Variants in PARD3B observed in about 807,000 individuals in gnomAD.
The protein encoded by PARD3B is partitioning defective 3 homolog B.
In PARD3B, 103 loss-of-function variants were observed where a neutral mutation model predicts 130.2. That is an observed-to-expected ratio of 0.79 (90% CI 0.67 to 0.93). PARD3B has a LOEUF of 0.93. Ranked by LOEUF, PARD3B falls within the 40% of genes least tolerant of loss-of-function variation. PARD3B has a pLI of 0.00. For missense variants in PARD3B, 1,609 were observed against 1,499.2 expected (o/e 1.07, Z -1.21); for synonymous variants, 583 against 553.2 (o/e 1.05, Z -0.76).
intron 1 of PARD3B, among the ~76,000 whole-genome samples, chr2:204,581,539 GA>G (rs1444834213): frequency 6.6e-6 from 1 of 152,102 alleles, no homozygotes; most frequent in African/African-American, 2.4e-5. Flanking sequence ...GAGAAGAGCA[GA>G]AAACAGAAAC....
At chr2:205,151,214 G>A (rs1021361149) in intron 10 of PARD3B, among the ~76,000 whole-genome samples, 3 of 152,156 alleles carry the variant, frequency 2.0e-5, no homozygotes, top group Non-Finnish European at 4.4e-5. Context: ...AGTGTGATAT[G>A]GTGCTGAGAA....
In PARD3B at chr2:205,142,994, A is replaced by G. The variant is rs774487324; in HGVS notation, c.1435-15728A>G. ...ACATAAGTGAAATGGGAGCTGCGAG[A>G]AGGGCATATTGTTCCTGTGCTGATA... is the stretch of plus-strand genomic sequence containing the variant. On this transcript the variant is annotated intron_variant, in intron 10 of 22. Transcript: ENST00000406610. This position sits in a 1 kb window ranked among gnomAD's most constrained non-coding sequence, Gnocchi z 4.3. 6.6e-6 allele frequency among the ~76,000 whole-genome samples: 1 copy of G among 152,196 alleles called. No individual in the cohort carries two copies. The highest frequency in any genetic ancestry group is 1.5e-5 in the Non-Finnish European group (1 of 68,034).
intron 4 of PARD3B, among the ~76,000 whole-genome samples, chr2:205,058,978 TG>T (rs1699904938): frequency 6.6e-6 from 1 of 151,892 alleles, no homozygotes; most frequent in Admixed American, 6.6e-5. Context: ...CTGTGCTTTT[TG>T]TATCACATCC....
chr2:205,383,575 G>C (rs1006010721), intron 18 of PARD3B, among the ~76,000 whole-genome samples: 1 of 152,032 alleles, frequency 6.6e-6, no homozygotes, highest in African/African-American at 2.4e-5. Flanking sequence ...TTGTATATCT[G>C]TTTGGGTTCC....
intron 1 of PARD3B, among the ~76,000 whole-genome samples, chr2:204,627,706 GT>G (rs922397167): frequency 4.0e-5 from 6 of 151,876 alleles, no homozygotes; most frequent in Non-Finnish European, 8.8e-5. Context: ...TTATCTCCTG[GT>G]ATGAATATAC....
chr2:205,120,539 AG>A (rs2125618032), intron 7 of PARD3B, among the ~76,000 whole-genome samples: 1 of 152,344 alleles, frequency 6.6e-6, no homozygotes, highest in East Asian at 1.9e-4. Context: ...AAATAAGAAT[AG>A]CTGAAACAAG....
chr2:205,204,792 T>C (rs747041186), intron 15 of PARD3B, among the ~76,000 whole-genome samples: 1 of 152,200 alleles, frequency 6.6e-6, no homozygotes, highest in Non-Finnish European at 1.5e-5. Flanking sequence ...GTCTCTATTC[T>C]GTTCCATTGG....
chr2:205,043,644 G>A (rs1698541055), intron 3 of PARD3B, among the ~76,000 whole-genome samples: 1 of 152,026 alleles, frequency 6.6e-6, no homozygotes, highest in South Asian at 2.1e-4. Context: ...CTATGAAACT[G>A]GATAGAGTTG....
chr2:205,208,001 A>G (rs929840314), intron 15 of PARD3B, among the ~76,000 whole-genome samples: 1 of 68,214 alleles, frequency 1.5e-5, no homozygotes, highest in Non-Finnish European at 2.6e-5. Context: ...CCAGCGGCAC[A>G]TCAAAAAGCT....
intron 1 of PARD3B, among the ~76,000 whole-genome samples, chr2:204,682,583 T>C (rs2036886534): frequency 6.6e-6 from 1 of 152,228 alleles, no homozygotes; most frequent in African/African-American, 2.4e-5. Context: ...ATTCTTCTAG[T>C]AAAAACATTA....
intron 22 of PARD3B, among the ~76,000 whole-genome samples, chr2:205,607,461 G>A (rs540052590): frequency 2.6e-5 from 4 of 152,258 alleles, no homozygotes; most frequent in South Asian, 4.1e-4. Flanking sequence ...GCCACTACCA[G>A]TGTGACTTTG....
intron 11 of PARD3B, among the ~76,000 whole-genome samples, chr2:205,163,348 T>C (rs2034617749): frequency 6.6e-6 from 1 of 152,220 alleles, no homozygotes; most frequent in Admixed American, 6.5e-5. Flanking sequence ...GCCAGGTTTG[T>C]GCTTAATAAA....
At chr2:205,151,909 T>C (rs2033785428) in intron 10 of PARD3B, among the ~76,000 whole-genome samples, 1 of 152,226 alleles carries the variant, frequency 6.6e-6, no homozygotes, top group Admixed American at 6.5e-5. Flanking sequence ...CAGTTGTTCC[T>C]TTCCATGTTT....
chr2:204,977,542 G>A (rs1039829329), intron 3 of PARD3B, among the ~76,000 whole-genome samples: 10 of 152,120 alleles, frequency 6.6e-5, no homozygotes, highest in Non-Finnish European at 8.8e-5. Context: ...GGGCGCGGTG[G>A]CTCACGCCTG....
intron 15 of PARD3B, among the ~76,000 whole-genome samples, chr2:205,216,477 A>G (rs981414872): frequency 1.3e-5 from 2 of 152,146 alleles, no homozygotes; most frequent in Admixed American, 6.6e-5. Context: ...GTATATTTCA[A>G]ATCTTTACCA....
intron 3 of PARD3B, among the ~76,000 whole-genome samples, chr2:205,032,031 C>T (rs1697464548): frequency 6.6e-6 from 1 of 152,052 alleles, no homozygotes; most frequent in Admixed American, 6.6e-5. Context: ...AAATGTTTTT[C>T]CCTTGAAAGT....
intron 21 of PARD3B, among the ~76,000 whole-genome samples, chr2:205,532,986 T>A (rs182507563): frequency 1.3e-5 from 2 of 152,288 alleles, no homozygotes; most frequent in Admixed American, 1.3e-4. Context: ...TGTGTTCTGC[T>A]TTTGCCAGGA....
intron 19 of PARD3B, among the ~76,000 whole-genome samples, chr2:205,434,767 G>A (rs934623721): frequency 3.9e-5 from 6 of 152,116 alleles, no homozygotes; most frequent in Non-Finnish European, 8.8e-5. Flanking sequence ...AGTTGACAAA[G>A]GGATCATGAG....
chr2:205,060,915 C>G (rs1049061402), intron 4 of PARD3B, among the ~76,000 whole-genome samples: 1 of 151,988 alleles, frequency 6.6e-6, no homozygotes, highest in Non-Finnish European at 1.5e-5. Context: ...CATGGTTCTA[C>G]TCTGGAAACT....
Sources: allele counts gnomAD v4.1 joint callset (sites outside exome capture counted in the v4.1 genomes callset), GRCh38; gene constraint gnomAD v4.1.1; non-coding constraint Gnocchi (gnomAD v3.1); transcripts MANE v1.5; gene names NCBI Gene and HGNC (gene_info 2026-07-23, HGNC 2026-07-21).